The following EFCAB5 variants were observed in gnomAD, a reference collection of about 807,000 sequenced individuals.
EFCAB5 encodes the protein EF-hand calcium-binding domain-containing protein 5.
A neutral mutation model predicts 167.9 loss-of-function variants in EFCAB5; 131 were observed. That is an observed-to-expected ratio of 0.78 (90% CI 0.68 to 0.90). The LOEUF (loss-of-function observed/expected upper bound fraction) is 0.90, where lower values mean the gene tolerates loss of function less well. Among genes scored for constraint, EFCAB5 ranks in the 40% least tolerant of loss-of-function variants. EFCAB5 has a pLI of 0.00. For missense variants in EFCAB5, 1,663 were observed against 1,745.2 expected (o/e 0.95, Z 0.84); for synonymous variants, 574 against 602.8 (o/e 0.95, Z 0.70).
chr17:30,070,948 TCAAAA>T (rs1296214084), intron 14 of EFCAB5, among the ~76,000 whole-genome samples: 1 of 22,538 alleles, frequency 4.4e-5, no homozygotes, highest in Non-Finnish European at 6.8e-5. Flanking sequence ...AGATTCCATC[TCAAAA>T]AAAAAAAAAA....
intron 1 of EFCAB5, 150 bp downstream of exon 1, chr17:29,941,988 T>C (rs1265403908): frequency 1.0e-6 from 1 of 964,256 alleles, no homozygotes; most frequent in East Asian, 2.7e-5. Flanking sequence ...AGAAATGCTG[T>C]AAAAGGGGTC....
At chr17:29,961,509 ATCCATGAAG>A in intron 3 of EFCAB5, among the ~76,000 whole-genome samples, 1 of 152,266 alleles carries the variant, frequency 6.6e-6, no homozygotes, top group East Asian at 1.9e-4. Flanking sequence ...TTGGTGTTAT[ATCCATGAAG>A]TCATTGTTAA....
At position 29,993,207 on chromosome 17, in the gene EFCAB5, A is replaced by G. The variant is rs2068461869; in HGVS notation, c.810A>G (p.Gln270=). The stretch of plus-strand genomic sequence containing the variant: ...AGAATGTTAAACAGAATAGAAAACA[A>G]AGAGAAAGCATAGACAAAATCATAG... ...MKENVKQNRK[Q]RESIDKIIVK... is the part of the protein sequence containing the mutation. Residue 270 remains glutamine, a synonymous_variant, in exon 5 of 23, where the codon CAA becomes CAG. Coordinates refer to ENST00000394835, the MANE Select transcript of EFCAB5 (RefSeq NM_198529.4). 3.1e-6 allele frequency: 5 copies of G among 1,613,344 alleles called. No homozygotes were observed. The highest frequency in any genetic ancestry group is 4.2e-6 in the Non-Finnish European group (5 of 1,179,638).
In EFCAB5 at chr17:30,086,478, G is replaced by A. The variant is rs112001610; in HGVS notation, c.3580-585G>A. Among the ~76,000 whole-genome samples, 12 of 152,236 alleles carry A rather than the reference G, an allele frequency of 7.9e-5. 1 individual carries two copies. Among genetic ancestry groups the A allele is most frequent in the African/African-American group, 2.6e-4 (11 of 41,540 alleles). On this transcript the variant is annotated intron_variant, in intron 18 of 22. Coordinates refer to ENST00000394835, the MANE Select transcript of EFCAB5 (RefSeq NM_198529.4). ...AAGAAAGTAAATTGGCCAGGTGGTG[G>A]CTCACACCTGTAATCCCAGCACTTT... is the stretch of plus-strand genomic sequence containing the variant.
intron 9 of EFCAB5, among the ~76,000 whole-genome samples, chr17:30,051,815 C>T (rs1048502035): frequency 1.4e-4 from 21 of 152,040 alleles, no homozygotes; most frequent in South Asian, 1.0e-3. Flanking sequence ...TGTAAGCCAC[C>T]GTACCCAGCC....
At chr17:30,053,084 T>C (rs757713791) in intron 9 of EFCAB5, among the ~76,000 whole-genome samples, 171 bp from the exon 10 acceptor site, 1 of 152,248 alleles carries the variant, frequency 6.6e-6, no homozygotes, top group African/African-American at 2.4e-5. Flanking sequence ...TTCTTTTGGG[T>C]ACCTTTTTAC....
chr17:30,069,292 AG>A (rs2070664281), intron 14 of EFCAB5: 1 of 1,492,508 alleles, frequency 6.7e-7, no homozygotes, highest in Non-Finnish European at 9.3e-7. Context: ...GAGATGGCAA[AG>A]GTGAAGATGA....
chr17:30,069,779 G>A (rs1567756955), intron 14 of EFCAB5: 1 of 651,134 alleles, frequency 1.5e-6, no homozygotes, highest in East Asian at 2.7e-5. Flanking sequence ...AAGAGAAAGG[G>A]GTTCAGACAG....
intron 1 of EFCAB5, chr17:29,930,241 T>G (rs980273827): frequency 3.8e-6 from 2 of 524,494 alleles, no homozygotes; most frequent in African/African-American, 2.0e-5. Context: ...GCGCTCCCAG[T>G]GCGCAGGCGC....
intron 3 of EFCAB5, among the ~76,000 whole-genome samples, chr17:29,964,964 T>C (rs2067798227): frequency 6.6e-6 from 1 of 151,884 alleles, no homozygotes; most frequent in Non-Finnish European, 1.5e-5. Context: ...TGCAGTGGCC[T>C]GATCTCGGCT....
chr17:29,992,382 C>T lies in EFCAB5; in HGVS notation c.768-783C>T, dbSNP rs530745769. Reference sequence around the variant, plus strand: ...TTATTTTTTGAGACAGAGTTTCACTCTGTCACCCAGGCTGGAGTGCAGTGG... The same window carrying T: ...TTATTTTTTGAGACAGAGTTTCACTTTGTCACCCAGGCTGGAGTGCAGTGG... On this transcript the variant is annotated intron_variant, in intron 4 of 22. Transcript: ENST00000394835. 2.0e-5 allele frequency among the ~76,000 whole-genome samples: 3 copies of T among 152,262 alleles called. No individual in the cohort carries two copies. The South Asian group carries it at 6.2e-4, about 32-fold the overall frequency.
At chr17:30,093,922 C>T (rs1233416472) in intron 22 of EFCAB5, among the ~76,000 whole-genome samples, 3 of 152,110 alleles carry the variant, frequency 2.0e-5, no homozygotes, top group Admixed American at 6.5e-5. Flanking sequence ...CTTCGGGGTG[C>T]CTTTCTGTTT....
intron 4 of EFCAB5, among the ~76,000 whole-genome samples, chr17:29,975,476 C>T (rs941095707): frequency 6.6e-6 from 1 of 152,008 alleles, no homozygotes; most frequent in South Asian, 2.1e-4. Context: ...AGGCTGGTCT[C>T]GAACTCCTGA....
chr17:30,084,028 A>G (rs2071039735), intron 18 of EFCAB5, among the ~76,000 whole-genome samples: 1 of 152,162 alleles, frequency 6.6e-6, no homozygotes, highest in African/African-American at 2.4e-5. Context: ...CCTTTCAGAA[A>G]GGCTGAATGA....
upstream of EFCAB5, among the ~76,000 whole-genome samples, chr17:29,938,517 T>G (rs1420634877): frequency 3.9e-5 from 6 of 152,214 alleles, no homozygotes; most frequent in Non-Finnish European, 8.8e-5. Context: ...TCTGTAACAT[T>G]TGATGCTGTT....
intron 4 of EFCAB5, among the ~76,000 whole-genome samples, chr17:29,977,899 A>G (rs1197892346): frequency 6.6e-6 from 1 of 152,112 alleles, no homozygotes; most frequent in African/African-American, 2.4e-5. Flanking sequence ...TATGTGACAA[A>G]AATCTATTGT....
intron 7 of EFCAB5, among the ~76,000 whole-genome samples, chr17:30,027,151 T>TA (rs2051569758): frequency 6.6e-6 from 1 of 151,208 alleles, no homozygotes; most frequent in Admixed American, 6.6e-5. Flanking sequence ...CAGGCCTGGC[T>TA]AATTTTTGTA....
At chr17:29,991,549 C>T (rs1306350455) in intron 4 of EFCAB5, among the ~76,000 whole-genome samples, 1 of 152,202 alleles carries the variant, frequency 6.6e-6, no homozygotes, top group South Asian at 2.1e-4. Context: ...AGGCACAGAT[C>T]GCTCATGCTA....
At chr17:30,079,511 T>A (rs2070939690) in intron 15 of EFCAB5, among the ~76,000 whole-genome samples, 1 of 152,218 alleles carries the variant, frequency 6.6e-6, no homozygotes, top group African/African-American at 2.4e-5. Flanking sequence ...ATATTTAAGG[T>A]ACAGAGAATT....
Sources: allele counts gnomAD v4.1 joint callset (sites outside exome capture counted in the v4.1 genomes callset), GRCh38; gene constraint gnomAD v4.1.1; transcripts MANE v1.5; gene names NCBI Gene and HGNC (gene_info 2026-07-23, HGNC 2026-07-21).